The following LAMC1 variants were observed in gnomAD, a reference collection of about 807,000 sequenced individuals.
LAMC1 encodes laminin subunit gamma 1, also known as laminin subunit gamma-1.
A neutral mutation model predicts 173.6 loss-of-function variants in LAMC1; 38 were observed. That is an observed-to-expected ratio of 0.22 (90% CI 0.17 to 0.29). The LOEUF is 0.29. Among genes scored for constraint, LAMC1 ranks in the 10% least tolerant of loss-of-function variants. The pLI is 1.00. For synonymous variants in LAMC1, 746 were observed against 749.1 expected (o/e 1.00, Z 0.07); for missense variants, 1,824 against 2,051.8 (o/e 0.89, Z 2.14).
chr1:183,095,115 G>A (rs1655659840), intron 1 of LAMC1, among the ~76,000 whole-genome samples: 1 of 152,116 alleles, frequency 6.6e-6, no homozygotes, highest in Admixed American at 6.5e-5. Context: ...AAAGTGCTGG[G>A]ACTACAGGTG....
intron 1 of LAMC1, among the ~76,000 whole-genome samples, chr1:183,035,741 C>T (rs1653963851): frequency 6.6e-6 from 1 of 152,118 alleles, no homozygotes; most frequent in Non-Finnish European, 1.5e-5. Flanking sequence ...GGCTGTTTTT[C>T]TTCTCTGGTG....
chr1:183,049,568 A>G (rs538505134), intron 1 of LAMC1, among the ~76,000 whole-genome samples: 1 of 152,008 alleles, frequency 6.6e-6, no homozygotes, highest in South Asian at 2.1e-4. Context: ...GGTTCAAGCA[A>G]TTCTCCTGCC....
chr1:183,101,029 G>A (rs1158292230), intron 1 of LAMC1, among the ~76,000 whole-genome samples: 1 of 152,102 alleles, frequency 6.6e-6, no homozygotes, highest in Non-Finnish European at 1.5e-5. Flanking sequence ...TCTTTCAGAG[G>A]GTGGCTTTGT....
At chr1:183,036,764 CTTTTT>C (rs144633032) in intron 1 of LAMC1, among the ~76,000 whole-genome samples, 17,325 of 151,820 alleles carry the variant, frequency 0.11, 1,100 homozygotes, top group Admixed American at 0.2. Flanking sequence ...GGATTGTTTT[CTTTTT>C]TTGTTTTGTT....
At position 183,024,117 on chromosome 1, in the gene LAMC1, A is replaced by G. The variant is rs745335337; in HGVS notation, c.401A>G (p.Asn134Ser). The change falls in exon 1 of 28, where the codon AAC (asparagine) becomes AGC (serine). Residue 134 changes from asparagine (N) to serine (S), a missense_variant. Asn to Ser is a conservative substitution (Grantham distance 46). Transcript: ENST00000258341. ...LAGVQYPSSINLTLHLGKAFD... is the reference protein window; with the variant it reads ...LAGVQYPSSISLTLHLGKAFD... ...GGGGTGCAGTACCCCAGCTCCATCA[A>G]CCTCACGCTGCACCTGGGTAAGCGG... The G allele has an allele frequency of 6.3e-6, 10 of 1,592,378 alleles. No homozygotes were observed. Among genetic ancestry groups the G allele is most frequent in the Non-Finnish European group, 8.6e-6 (10 of 1,169,548 alleles).
At chr1:183,107,835 A>C (rs1159870521) in intron 2 of LAMC1, among the ~76,000 whole-genome samples, 1 of 152,106 alleles carries the variant, frequency 6.6e-6, no homozygotes, top group Non-Finnish European at 1.5e-5. Context: ...ATCTCAAAAA[A>C]AAAGAAAAAA....
At chr1:183,104,841 C>CA (rs1655928240) in intron 2 of LAMC1, among the ~76,000 whole-genome samples, 1 of 151,774 alleles carries the variant, frequency 6.6e-6, no homozygotes, top group African/African-American at 2.4e-5. Context: ...CAACACCTTG[C>CA]AAAAAAGTGT....
intron 18 of LAMC1, 121 bp from the exon 19 acceptor site, chr1:183,130,223 G>T (rs1656743278): frequency 1.2e-6 from 1 of 832,208 alleles, no homozygotes; most frequent in Non-Finnish European, 1.9e-6. Flanking sequence ...GGGCTTTGTG[G>T]AAACCTGGCA....
intron 1 of LAMC1, among the ~76,000 whole-genome samples, chr1:183,032,716 C>T (rs1571398695): frequency 6.6e-6 from 1 of 151,782 alleles, no homozygotes; most frequent in Non-Finnish European, 1.5e-5. Flanking sequence ...GAATTTGGTA[C>T]GTGGCCTTAT....
intron 1 of LAMC1, among the ~76,000 whole-genome samples, chr1:183,039,673 G>C (rs577682811): frequency 2.0e-4 from 30 of 152,262 alleles, no homozygotes; most frequent in African/African-American, 6.7e-4. Flanking sequence ...TTCTAATCAG[G>C]TTTGGGTTTT....
chr1:183,081,681 CCA>C (rs894536247), intron 1 of LAMC1, among the ~76,000 whole-genome samples: 162 of 152,238 alleles, frequency 1.1e-3, no homozygotes, highest in African/African-American at 3.4e-3. Context: ...TCCTGGATCA[CCA>C]CACACATAGC....
chr1:183,130,413 T>C lies in LAMC1; in HGVS notation c.3350T>C (p.Leu1117Ser), dbSNP rs756300377. ...ACTCTGTCCAGCCAAATTAGCCGTT[T>C]ACAGAATATCCGGAATACCATTGAA... ...NNTLSSQISR[L>S]QNIRNTIEET... The change falls in exon 19 of 28, where the codon TTA becomes TCA. Residue 1117 changes from leucine to serine, a missense_variant. Transcript: ENST00000258341. The C allele has an allele frequency of 6.2e-6, 10 of 1,614,122 alleles. No individual in the cohort carries two copies. The African/African-American group carries it at 1.3e-4, about 22-fold the overall frequency.
chr1:183,114,564 A>T lies in LAMC1; in HGVS notation c.1055A>T (p.Tyr352Phe), dbSNP rs745708556. The stretch of plus-strand genomic sequence containing the variant: ...TGCAATGGTCGATCCCAGGAATGCT[A>T]CTTCGACCCTGAACTCTATCGTTCC... ...CDCNGRSQEC[Y>F]FDPELYRSTG... Residue 352 changes from tyrosine to phenylalanine, a missense_variant, in exon 5 of 28, where the codon TAC (tyrosine) becomes TTC (phenylalanine). Transcript: ENST00000258341. The T allele has an allele frequency of 5.6e-6, 9 of 1,614,212 alleles. No homozygotes were observed.
At position 183,132,497 on chromosome 1, in the gene LAMC1, G is replaced by GA. The variant is rs1558059551; in HGVS notation, c.3668dup (p.Asn1223LysfsTer6). 1 of 1,613,918 alleles carries GA rather than the reference G, an allele frequency of 6.2e-7. No homozygotes were observed. The highest frequency in any genetic ancestry group is 1.7e-5 in the Admixed American group (1 of 60,014). ...CCTGCTTCTGAGGACACTGGCAGGA[G>GA]AAAATCAAACAGCATTTGAGATTGA... On this transcript the variant is annotated frameshift_variant, in exon 21 of 28. Transcript: ENST00000258341. LOFTEE classifies it high-confidence loss of function.
chr1:183,128,952 G>A, intron 18 of LAMC1: 1 of 322,096 alleles, frequency 3.1e-6, no homozygotes, highest in South Asian at 1.4e-4. Flanking sequence ...TAAGCATAGG[G>A]TGATTTTCCA....
At chr1:183,083,295 GT>G in intron 1 of LAMC1, among the ~76,000 whole-genome samples, 1 of 152,114 alleles carries the variant, frequency 6.6e-6, no homozygotes, top group East Asian at 1.9e-4. Flanking sequence ...GTTTTCTTTT[GT>G]AAAGTAAGAG....
intron 1 of LAMC1, among the ~76,000 whole-genome samples, chr1:183,033,413 C>T (rs910324870): frequency 6.6e-6 from 1 of 152,158 alleles, no homozygotes; most frequent in Non-Finnish European, 1.5e-5. Context: ...GATGCTTCAT[C>T]GTTTGATGTG....
chr1:183,046,672 C>T (rs1654275846), intron 1 of LAMC1, among the ~76,000 whole-genome samples: 2 of 151,922 alleles, frequency 1.3e-5, no homozygotes, highest in South Asian at 4.1e-4. Flanking sequence ...TAACCACTTG[C>T]TTAATTGTTT....
At chr1:183,136,612 C>A in intron 25 of LAMC1, 27 bp downstream of exon 25, 1 of 1,543,092 alleles carries the variant, frequency 6.5e-7, no homozygotes, top group South Asian at 1.2e-5. Context: ...CTCCAAGAGT[C>A]CCTGCCCATA....
Sources: gnomAD v4.1 joint callset for allele counts (sites outside exome capture counted in the v4.1 genomes callset) on GRCh38, gnomAD v4.1.1 for gene constraint, MANE v1.5 for transcripts, NCBI Gene and HGNC (gene_info 2026-07-23, HGNC 2026-07-21) for gene names.